RBM47: variants seen among roughly 807,000 people sequenced by gnomAD.
RBM47 encodes RNA binding motif protein 47.
Under a neutral mutation model 47.1 loss-of-function variants are expected in RBM47, and 21 were observed. The ratio of observed to expected loss-of-function variants is 0.45; its 90% CI spans 0.32 to 0.64. The LOEUF (loss-of-function observed/expected upper bound fraction) is 0.64. RBM47 is among the 30% of genes least tolerant of loss of function. The probability of loss-of-function intolerance (pLI) is 0.05; values close to 1 mark genes in which losing one functional copy is unlikely to be tolerated. For missense variants in RBM47, 708 were observed against 870.9 expected (o/e 0.81, Z 2.35); for synonymous variants, 375 against 361.7 (o/e 1.04, Z -0.42).
At chr4:40,569,514 A>C (rs1441223747) in intron 1 of RBM47, among the ~76,000 whole-genome samples, 1 of 149,146 alleles carries the variant, frequency 6.7e-6, no homozygotes, top group Non-Finnish European at 1.5e-5. Flanking sequence ...GGTTCACACC[A>C]TTCTCCTGCC....
chr4:40,566,423 G>T (rs910795856), intron 1 of RBM47, among the ~76,000 whole-genome samples: 1 of 152,066 alleles, frequency 6.6e-6, no homozygotes, highest in Non-Finnish European at 1.5e-5. Flanking sequence ...GAGGTGGGTG[G>T]ATCACGAGGT....
intron 1 of RBM47, among the ~76,000 whole-genome samples, chr4:40,583,683 C>T (rs1733224325): frequency 1.3e-5 from 2 of 151,278 alleles, no homozygotes; most frequent in African/African-American, 2.4e-5. Context: ...ACGGTGAAAC[C>T]CCGTCTCTAC....
Position 40,432,738 on chromosome 4 carries a change from G to A in RBM47, c.1455C>T (p.Asp485=). 1 of 1,613,048 alleles carries A rather than the reference G, an allele frequency of 6.2e-7. No individual in the cohort carries two copies. ...HMISPIAVQP[D]PASAAAAAAA... is the part of the protein sequence containing the mutation. Reference sequence around the variant, plus strand: ...CTGCGGCGGCAGCAGCACTGGCTGGGTCTGGCTGCACAGCAATGGGGCTGA... The same window carrying A: ...CTGCGGCGGCAGCAGCACTGGCTGGATCTGGCTGCACAGCAATGGGGCTGA... Residue 485 remains aspartate (D), a synonymous_variant, in exon 6 of 7, where the codon GAC becomes GAT. Coordinates refer to ENST00000295971, the MANE Select transcript of RBM47 (RefSeq NM_001098634.2).
intron 3 of RBM47, among the ~76,000 whole-genome samples, chr4:40,443,649 G>A (rs751053459): frequency 7.0e-5 from 10 of 142,976 alleles, no homozygotes; most frequent in African/African-American, 1.8e-4. Context: ...CCTGGGAGGC[G>A]GAAGTTGTGG....
At chr4:40,528,351 G>A (rs184808172) in intron 2 of RBM47, among the ~76,000 whole-genome samples, 25 of 152,154 alleles carry the variant, frequency 1.6e-4, no homozygotes, top group African/African-American at 5.5e-4. Context: ...CGAGGTTGCA[G>A]TGAGCTGAGA....
chr4:40,594,067 A>G (rs1197017123), intron 1 of RBM47, among the ~76,000 whole-genome samples: 1 of 151,962 alleles, frequency 6.6e-6, no homozygotes, highest in Non-Finnish European at 1.5e-5. Context: ...ACAAACAAAA[A>G]AAAGAAAGAA....
chr4:40,426,283 G>T, intron 6 of RBM47, 140 bp from the exon 7 acceptor site: 2 of 1,112,904 alleles, frequency 1.8e-6, no homozygotes, highest in Non-Finnish European at 2.5e-6. Flanking sequence ...CGGGCAAACA[G>T]CAATTATTGT....
intron 1 of RBM47, among the ~76,000 whole-genome samples, chr4:40,566,884 T>G (rs911926711): frequency 2.6e-5 from 4 of 151,672 alleles, no homozygotes; most frequent in African/African-American, 9.7e-5. Context: ...TATCCTCCCA[T>G]GAGTCCTCCC....
intron 2 of RBM47, among the ~76,000 whole-genome samples, chr4:40,493,361 A>G (rs1041308317): frequency 5.3e-5 from 8 of 152,212 alleles, no homozygotes; most frequent in South Asian, 4.1e-4. Context: ...GAGGAGGAAG[A>G]AGGCATTCTG....
At chr4:40,613,871 C>T (rs1220618736) in intron 1 of RBM47, among the ~76,000 whole-genome samples, 1 of 151,730 alleles carries the variant, frequency 6.6e-6, no homozygotes, top group Non-Finnish European at 1.5e-5. Flanking sequence ...TCAGCCTCAG[C>T]CCTATGGACA....
At chr4:40,582,088 C>T (rs1733011844) in intron 1 of RBM47, among the ~76,000 whole-genome samples, 1 of 152,282 alleles carries the variant, frequency 6.6e-6, no homozygotes, top group South Asian at 2.1e-4. Context: ...AGTCCACTCC[C>T]AGAACCCATC....
chr4:40,509,121 C>G (rs976659759), intron 2 of RBM47, among the ~76,000 whole-genome samples: 3 of 151,854 alleles, frequency 2.0e-5, no homozygotes, highest in Non-Finnish European at 4.4e-5. Context: ...GATTGTGCCA[C>G]TGCACTCCAG....
chr4:40,560,733 A>G (rs879329934), intron 1 of RBM47, among the ~76,000 whole-genome samples: 2 of 152,104 alleles, frequency 1.3e-5, no homozygotes, highest in African/African-American at 2.4e-5. Flanking sequence ...TTGGGAGGCC[A>G]AGGCAGGTGG....
rs528494437 is a variant in RBM47 at position 40,444,422 on chromosome 4, T to TAA, written c.-31-5500_-31-5499dup. On this transcript the variant is annotated intron_variant, in intron 3 of 6. Coordinates refer to ENST00000295971, the MANE Select transcript of RBM47 (RefSeq NM_001098634.2). ...TTGTATTGGAACACAACCCTATCCT[T>TAA]AAAAAAAAAAAAAAGAAAAGATAAT... 1.7e-3 allele frequency among the ~76,000 whole-genome samples: 240 copies of TAA among 139,992 alleles called. 5 individuals carry two copies. In the South Asian group the frequency reaches 0.031, roughly 18 times the overall value. 91.8% of individuals were successfully genotyped at this position (139,992 alleles called of 152,430 possible).
chr4:40,533,779 T>C (rs192478915), intron 2 of RBM47, among the ~76,000 whole-genome samples: 13 of 151,878 alleles, frequency 8.6e-5, no homozygotes, highest in Admixed American at 7.2e-4. Flanking sequence ...CTCTCCCCAG[T>C]AGCTGGGACT....
chr4:40,617,841 C>T (rs1001852582), intron 1 of RBM47, among the ~76,000 whole-genome samples: 3 of 151,006 alleles, frequency 2.0e-5, no homozygotes, highest in African/African-American at 7.3e-5. Context: ...CCTAGATACT[C>T]GATTAGCATT....
At chr4:40,469,340 G>A (rs1303872978) in intron 2 of RBM47, among the ~76,000 whole-genome samples, 1 of 151,938 alleles carries the variant, frequency 6.6e-6, no homozygotes, top group East Asian at 1.9e-4. Flanking sequence ...AAGTAACACA[G>A]GACATTTCCC....
At chr4:40,608,118 A>AT (rs879281503) in intron 1 of RBM47, among the ~76,000 whole-genome samples, 3 of 152,088 alleles carry the variant, frequency 2.0e-5, no homozygotes, top group Non-Finnish European at 4.4e-5. Context: ...AAAAAGGTGA[A>AT]TTTTCTAATT....
At chr4:40,533,882 C>G (rs1006357593) in intron 2 of RBM47, among the ~76,000 whole-genome samples, 1 of 149,974 alleles carries the variant, frequency 6.7e-6, no homozygotes, top group African/African-American at 2.5e-5. Context: ...ATGGTGTGAT[C>G]TCAGCTCACC....
Sources: gnomAD v4.1 joint callset for allele counts (sites outside exome capture counted in the v4.1 genomes callset) on GRCh38, gnomAD v4.1.1 for gene constraint, MANE v1.5 for transcripts, NCBI Gene and HGNC (gene_info 2026-07-23, HGNC 2026-07-21) for gene names.